Variants in DSTYK observed in about 807,000 individuals in gnomAD.
The protein encoded by DSTYK is dual serine/threonine and tyrosine protein kinase.
DSTYK carries 34 observed loss-of-function variants against 98.7 expected under a neutral mutation model. The observed-to-expected ratio is 0.34, with a 90% CI of 0.26 to 0.46. The LOEUF (loss-of-function observed/expected upper bound fraction) is 0.46. DSTYK is among the 20% of genes least tolerant of loss of function. The probability of loss-of-function intolerance (pLI) is 1.00; values close to 1 mark genes in which losing one functional copy is unlikely to be tolerated. For synonymous variants in DSTYK, 462 were observed against 457.3 expected (o/e 1.01, Z -0.13); for missense variants, 962 against 1,181.7 (o/e 0.81, Z 2.73).
chr1:205,162,946 T>A lies in DSTYK; in HGVS notation c.1618A>T (p.Met540Leu), dbSNP rs1326373319. 1.9e-6 allele frequency: 3 copies of A among 1,614,030 alleles called. No homozygotes were observed. In the Admixed American group the frequency reaches 5.0e-5, roughly 27 times the overall value. The change falls in exon 5 of 13, where the codon ATG becomes TTG. Residue 540 changes from methionine (M) to leucine (L), a missense_variant. Met to Leu is a conservative substitution (Grantham distance 15). Coordinates refer to ENST00000367162, the MANE Select transcript of DSTYK (RefSeq NM_015375.3). ...ACCTGTTTGATTTGCTCCCATAGCA[T>A]CCTTGTAACTGACGACCCTGAGTGA... is the stretch of plus-strand genomic sequence containing the variant. ...TFHSGSSVTR[M>L]LWEQIKQIIQ...
Position 205,211,255 on chromosome 1 carries a change from G to C in DSTYK, c.265+16C>G. ...TGCCTCTCCTGCCCTCTCTCCCTCC[G>C]GGCTGCCCTCCTTACCCGCCTGCAG... is the stretch of plus-strand genomic sequence containing the variant. On this transcript the variant is annotated intron_variant, in intron 1 of 12. Transcript: ENST00000367162. 1.3e-6 allele frequency: 2 copies of C among 1,591,506 alleles called. No individual in the cohort carries two copies. Among genetic ancestry groups the C allele is most frequent in the African/African-American group, 1.4e-5 (1 of 73,660 alleles).
At chr1:205,207,789 A>G (rs978123860) in intron 1 of DSTYK, among the ~76,000 whole-genome samples, 20 of 127,242 alleles carry the variant, frequency 1.6e-4, no homozygotes, top group South Asian at 1.3e-3. Context: ...AAAAAAAAAA[A>G]AAAAGAAAAA....
chr1:205,170,843 C>G (rs911997427), intron 2 of DSTYK, among the ~76,000 whole-genome samples: 1 of 151,968 alleles, frequency 6.6e-6, no homozygotes, highest in Non-Finnish European at 1.5e-5. Flanking sequence ...GTCCTTCTTC[C>G]TGCTTGGAGC....
chr1:205,197,443 C>T (rs1256486420), intron 1 of DSTYK, among the ~76,000 whole-genome samples: 2 of 152,134 alleles, frequency 1.3e-5, no homozygotes, highest in Non-Finnish European at 2.9e-5. Context: ...TTGCATGAAG[C>T]AGGTATTGGA....
chr1:205,175,162 C>G (rs960229584), intron 2 of DSTYK, among the ~76,000 whole-genome samples: 2 of 149,788 alleles, frequency 1.3e-5, no homozygotes, highest in African/African-American at 4.9e-5. Flanking sequence ...AGTGCAGTGG[C>G]GCAATCTTGG....
intron 1 of DSTYK, among the ~76,000 whole-genome samples, chr1:205,190,001 C>A (rs962673214): frequency 1.1e-4 from 16 of 152,204 alleles, no homozygotes; most frequent in Admixed American, 6.5e-5. Flanking sequence ...GGCCACTTAA[C>A]AAGTAGCAAC....
At position 205,147,599 on chromosome 1, in the gene DSTYK, T is replaced by C. The variant is rs1399986835; in HGVS notation, c.2749A>G (p.Asn917Asp). 2 of 1,613,624 alleles carry C rather than the reference T, an allele frequency of 1.2e-6. No individual in the cohort carries two copies. Among genetic ancestry groups the C allele is most frequent in the Non-Finnish European group, 1.7e-6 (2 of 1,179,516 alleles). ...AGTCCTCTGTTTGGCTGCTCAGAAT[T>C]GGACTTGCAGAGCCGATTCATGATG... ...QGIMNRLCKS[N>D]SEQPNRGLDD... Residue 917 changes from asparagine (N) to aspartate (D), a missense_variant, in exon 13 of 13, where the codon AAT (asparagine) becomes GAT (aspartate). This residue lies in a region of DSTYK where 65 missense variants were observed against 63.9 expected (regional missense o/e 1.02). Coordinates refer to ENST00000367162, the MANE Select transcript of DSTYK (RefSeq NM_015375.3).
chr1:205,166,958 C>G (rs1477807596), intron 3 of DSTYK, among the ~76,000 whole-genome samples: 1 of 152,212 alleles, frequency 6.6e-6, no homozygotes, highest in African/African-American at 2.4e-5. Context: ...CCAGATCCTA[C>G]CCTCTTTCAA....
At chr1:205,208,658 G>C (rs1437925884) in intron 1 of DSTYK, among the ~76,000 whole-genome samples, 4 of 152,148 alleles carry the variant, frequency 2.6e-5, no homozygotes, top group Non-Finnish European at 5.9e-5. Flanking sequence ...AGGATCGTTT[G>C]AGGCCATGAG....
intron 12 of DSTYK, among the ~76,000 whole-genome samples, 183 bp downstream of exon 12, chr1:205,148,022 T>C (rs749965847): frequency 6.6e-6 from 1 of 152,158 alleles, no homozygotes; most frequent in Non-Finnish European, 1.5e-5. Context: ...GATAGTTCAA[T>C]AGAGAGTTGA....
chr1:205,173,873 C>T (rs908673477), intron 2 of DSTYK, among the ~76,000 whole-genome samples: 1 of 152,056 alleles, frequency 6.6e-6, no homozygotes, highest in Non-Finnish European at 1.5e-5. Flanking sequence ...GCATGTGCCA[C>T]CATGCCCAGC....
Position 205,169,281 on chromosome 1 carries a change from A to G in DSTYK, c.1206T>C (p.Tyr402=), listed in dbSNP as rs2102413194. The G allele has an allele frequency of 6.2e-7, 1 of 1,614,114 alleles. No homozygotes were observed. Among genetic ancestry groups the G allele is most frequent in the Non-Finnish European group, 8.5e-7 (1 of 1,180,008 alleles). Residue 402 remains tyrosine, a synonymous_variant, in exon 3 of 13, where the codon TAT becomes TAC. Coordinates refer to ENST00000367162, the MANE Select transcript of DSTYK (RefSeq NM_015375.3). The surrounding 1 kb of genome is among the most constrained non-coding windows in gnomAD (Gnocchi z 4.0). ...EYTRKKENEL[Y]ESLMNIANRK... ...GGTTGGCAATATTCATCAATGATTC[A>G]TACAACTCATTCTCCTTTTTTCGAG... is the stretch of plus-strand genomic sequence containing the variant.
rs761266476 is a variant in DSTYK, at chr1:205,169,681, C to T, written c.806G>A (p.Arg269Gln). The change falls in exon 3 of 13, where the codon CGA (arginine) becomes CAA (glutamine). Residue 269 changes from arginine (R) to glutamine (Q), a missense_variant. Coordinates refer to ENST00000367162, the MANE Select transcript of DSTYK (RefSeq NM_015375.3). The surrounding 1 kb of genome is among the most constrained non-coding windows in gnomAD (Gnocchi z 4.0). ...ERDEQELQEI[R>Q]KYFSFPVFFF... The stretch of plus-strand genomic sequence containing the variant: ...GAATACAGGAAAGGAGAAATACTTT[C>T]GGATTTCCTGAAGCTCTTGCTCATC... 8.1e-6 allele frequency: 13 copies of T among 1,614,088 alleles called. No individual in the cohort carries two copies. Among genetic ancestry groups the T allele is most frequent in the East Asian group, 2.2e-5 (1 of 44,898 alleles).
At chr1:205,184,487 G>T (rs1460247565) in intron 2 of DSTYK, among the ~76,000 whole-genome samples, 1 of 151,934 alleles carries the variant, frequency 6.6e-6, no homozygotes, top group South Asian at 2.1e-4. Flanking sequence ...AAAGAGAATC[G>T]CTTGAACCCG....
At chr1:205,170,602 T>C (rs1658030259) in intron 2 of DSTYK, among the ~76,000 whole-genome samples, 1 of 152,200 alleles carries the variant, frequency 6.6e-6, no homozygotes, top group African/African-American at 2.4e-5. Context: ...TCTGAGTCTG[T>C]AGATATCCCG....
rs762847412 is a variant in DSTYK, at chr1:205,147,621, G to T, written c.2727C>A (p.Ile909=). The T allele has an allele frequency of 6.2e-7, 1 of 1,614,014 alleles. No individual in the cohort carries two copies. ...LGIVQPMLQG[I]MNRLCKSNSE... ...AATTGGACTTGCAGAGCCGATTCAT[G>T]ATGCCCTGGAGCATGGGCTGGACAA... Residue 909 remains isoleucine, a synonymous_variant, in exon 13 of 13, where the codon ATC becomes ATA. Coordinates refer to ENST00000367162, the MANE Select transcript of DSTYK (RefSeq NM_015375.3).
intron 1 of DSTYK, among the ~76,000 whole-genome samples, chr1:205,190,908 A>C (rs1171742512): frequency 6.6e-6 from 1 of 152,360 alleles, no homozygotes; most frequent in African/African-American, 2.4e-5. Flanking sequence ...AGTGGATAAT[A>C]GAGAAGAAAA....
intron 9 of DSTYK, 114 bp from the exon 10 acceptor site, chr1:205,157,500 C>T: frequency 1.3e-6 from 1 of 781,644 alleles, no homozygotes; most frequent in Non-Finnish European, 2.1e-6. Flanking sequence ...AAGAGCCGGG[C>T]ACAGTGGCTC....
intron 1 of DSTYK, among the ~76,000 whole-genome samples, chr1:205,196,758 A>ATTTTTTTTT (rs113524415): frequency 9.1e-6 from 1 of 109,854 alleles, no homozygotes; most frequent in Non-Finnish European, 1.7e-5. Flanking sequence ...AAAATGGTGA[A>ATTTTTTTTT]TTTTTTTTTT....
Sources: allele counts gnomAD v4.1 joint callset (sites outside exome capture counted in the v4.1 genomes callset), GRCh38; gene constraint gnomAD v4.1.1; regional missense constraint gnomAD v4.1.1; non-coding constraint Gnocchi (gnomAD v3.1); transcripts MANE v1.5; gene names NCBI Gene and HGNC (gene_info 2026-07-23, HGNC 2026-07-21).